Variants in CTNNA3 observed in about 807,000 individuals in gnomAD.
CTNNA3 encodes catenin alpha-3.
In CTNNA3, 76 loss-of-function variants were observed where a neutral mutation model predicts 95.7. The observed-to-expected ratio is 0.79, with a 90% CI of 0.66 to 0.96. The LOEUF (loss-of-function observed/expected upper bound fraction) is 0.96. CTNNA3 is among the 40% of genes least tolerant of loss of function. The probability of loss-of-function intolerance (pLI) is 0.00; values close to 1 mark genes in which losing one functional copy is unlikely to be tolerated. For missense variants in CTNNA3, 1,191 were observed against 1,089.8 expected (o/e 1.09, Z -1.31); for synonymous variants, 431 against 374.4 (o/e 1.15, Z -1.74).
chr10:67,097,875 G>T (rs1858106945), intron 7 of CTNNA3: 1 of 1,298,738 alleles, frequency 7.7e-7, no homozygotes. Flanking sequence ...GTTCATTGTG[G>T]ACTCTAAAAA....
chr10:66,625,431 C>A (rs1390870552), intron 9 of CTNNA3, among the ~76,000 whole-genome samples: 3 of 152,080 alleles, frequency 2.0e-5, no homozygotes, highest in East Asian at 3.9e-4. Flanking sequence ...CTAGGTCGCC[C>A]AGGCTGGAGT....
At chr10:66,415,098 T>C (rs1472490455) in intron 11 of CTNNA3, among the ~76,000 whole-genome samples, 3 of 151,988 alleles carry the variant, frequency 2.0e-5, no homozygotes, top group South Asian at 2.1e-4. Context: ...TACTATAGCC[T>C]CCCACTCAAG....
chr10:66,221,201 C>T (rs2088910293), intron 13 of CTNNA3, among the ~76,000 whole-genome samples: 1 of 152,164 alleles, frequency 6.6e-6, no homozygotes, highest in African/African-American at 2.4e-5. Context: ...AATAATTACA[C>T]CAGCTCATCT....
At chr10:67,103,318 T>C (rs1486536323) in intron 7 of CTNNA3, among the ~76,000 whole-genome samples, 1 of 151,864 alleles carries the variant, frequency 6.6e-6, no homozygotes, top group Non-Finnish European at 1.5e-5. Flanking sequence ...AAGACAACTA[T>C]ATATAAAATG....
intron 7 of CTNNA3, among the ~76,000 whole-genome samples, chr10:66,945,936 C>T (rs1247425921): frequency 3.3e-5 from 5 of 151,982 alleles, no homozygotes; most frequent in Admixed American, 2.0e-4. Context: ...GTTTGAAGGA[C>T]CCCAAAACAA....
rs1348680659 is a variant in CTNNA3, at chr10:67,247,643, AATGCAAAAATG to A, written c.580-27784_580-27774del. Among the ~76,000 whole-genome samples, 35 of 152,254 alleles carry A rather than the reference AATGCAAAAATG, an allele frequency of 2.3e-4. 1 individual carries two copies. Among genetic ancestry groups the A allele is most frequent in the African/African-American group, 8.4e-4 (35 of 41,554 alleles). ...TCCAACTGTGTTTTTGCAGATCCTA[AATGCAAAAATG>A]AATTTTGTAATCCTAAAATTCATAT... On this transcript the variant is annotated intron_variant, in intron 5 of 17. Transcript: ENST00000433211.
intron 10 of CTNNA3, among the ~76,000 whole-genome samples, chr10:66,535,506 G>T (rs1369952574): frequency 6.6e-6 from 1 of 152,158 alleles, no homozygotes; most frequent in Non-Finnish European, 1.5e-5. Flanking sequence ...TATCTCCGGG[G>T]AAATATAGGT....
At chr10:66,217,422 G>A (rs553727072) in intron 13 of CTNNA3, among the ~76,000 whole-genome samples, 60 of 150,402 alleles carry the variant, frequency 4.0e-4, no homozygotes, top group African/African-American at 1.4e-3. Flanking sequence ...TTAACTTTGT[G>A]TAATACCTTT....
intron 5 of CTNNA3, among the ~76,000 whole-genome samples, chr10:67,401,406 G>C (rs1430944846): frequency 6.6e-6 from 1 of 152,170 alleles, no homozygotes; most frequent in African/African-American, 2.4e-5. Context: ...AATCTTCAGA[G>C]AGAAACTACC....
chr10:66,237,176 C>T (rs1158742619), intron 13 of CTNNA3, among the ~76,000 whole-genome samples: 3 of 151,986 alleles, frequency 2.0e-5, no homozygotes, highest in South Asian at 2.1e-4. Context: ...AATCTATATC[C>T]ACAATTATAA....
intron 5 of CTNNA3, among the ~76,000 whole-genome samples, chr10:67,468,484 T>C (rs1030193907): frequency 2.6e-5 from 4 of 152,222 alleles, no homozygotes; most frequent in Non-Finnish European, 4.4e-5. Flanking sequence ...AGTGTCAGTA[T>C]AGAAGTCTTT....
intron 7 of CTNNA3, chr10:66,928,181 C>T: frequency 2.5e-6 from 4 of 1,614,090 alleles, no homozygotes; most frequent in Non-Finnish European, 3.4e-6. Context: ...AAAATCATCG[C>T]GGGCAGCGTG....
chr10:67,394,263 C>T (rs113421103), intron 5 of CTNNA3, among the ~76,000 whole-genome samples: 3,753 of 149,404 alleles, frequency 0.025, 159 homozygotes, highest in African/African-American at 0.086. Flanking sequence ...TAAGGTACAC[C>T]GTATCAATAA....
chr10:67,190,450 C>T lies in CTNNA3; in HGVS notation c.844-9930G>A, dbSNP rs371597279. On this transcript the variant is annotated intron_variant, in intron 6 of 17. Coordinates refer to ENST00000433211, the MANE Select transcript of CTNNA3 (RefSeq NM_013266.4). ...TTATTATTTTGGGGGGAGGATGAGA[C>T]AAGAACCCAAACTGGGGTAGTAAAG... is the stretch of plus-strand genomic sequence containing the variant. 8.6e-5 allele frequency among the ~76,000 whole-genome samples: 13 copies of T among 151,942 alleles called. No homozygotes were observed. The East Asian group carries it at 1.4e-3, about 16-fold the overall frequency.
intron 12 of CTNNA3, among the ~76,000 whole-genome samples, chr10:66,322,379 G>C (rs1024427159): frequency 1.3e-5 from 2 of 152,054 alleles, no homozygotes; most frequent in African/African-American, 4.8e-5. Context: ...TTTCTGCCTG[G>C]AGGCACTTCC....
chr10:65,967,447 C>G (rs772114262), intron 16 of CTNNA3, among the ~76,000 whole-genome samples: 1 of 152,164 alleles, frequency 6.6e-6, no homozygotes, highest in South Asian at 2.1e-4. Context: ...CTGCTTGAGA[C>G]TCATGGTCTC....
At chr10:65,971,216 G>T (rs1450985928) in intron 16 of CTNNA3, among the ~76,000 whole-genome samples, 1 of 151,690 alleles carries the variant, frequency 6.6e-6, no homozygotes, top group Non-Finnish European at 1.5e-5. Context: ...AAGTTAGAAA[G>T]ATCTCAAATT....
intron 1 of CTNNA3, among the ~76,000 whole-genome samples, chr10:67,685,838 T>C (rs1389188136): frequency 6.6e-6 from 1 of 152,158 alleles, no homozygotes; most frequent in African/African-American, 2.4e-5. Context: ...TCCTCTTTCC[T>C]TGTTTGACTT....
chr10:66,259,755 AACTG>A (rs1335918264), intron 13 of CTNNA3, among the ~76,000 whole-genome samples: 1 of 152,144 alleles, frequency 6.6e-6, no homozygotes, highest in Non-Finnish European at 1.5e-5. Flanking sequence ...ACTATTACAT[AACTG>A]ACTGCAAAGC....
Sources: gnomAD v4.1 joint callset for allele counts (sites outside exome capture counted in the v4.1 genomes callset) on GRCh38, gnomAD v4.1.1 for gene constraint, MANE v1.5 for transcripts, NCBI Gene and HGNC (gene_info 2026-07-23, HGNC 2026-07-21) for gene names.